Variants in OLA1 observed in about 807,000 individuals in gnomAD.
The protein encoded by OLA1 is obg-like ATPase 1.
OLA1 carries 14 observed loss-of-function variants against 48.4 expected under a neutral mutation model. The observed-to-expected ratio is 0.29, with a 90% confidence interval of 0.19 to 0.45. OLA1 has a LOEUF of 0.45. OLA1 is among the 20% of genes least tolerant of loss of function. The probability of loss-of-function intolerance (pLI) is 1.00; values close to 1 mark genes in which losing one functional copy is unlikely to be tolerated. For missense variants in OLA1, 325 were observed against 467.1 expected (o/e 0.70, Z 2.80); for synonymous variants, 127 against 150.4 (o/e 0.84, Z 1.14).
At chr2:174,109,657 A>G (rs1483296146) in intron 7 of OLA1, among the ~76,000 whole-genome samples, 2 of 152,132 alleles carry the variant, frequency 1.3e-5, no homozygotes, top group African/African-American at 4.8e-5. Context: ...CTCTATTTCA[A>G]TTTGGCCTGA....
chr2:174,158,899 A>C (rs1484018778), intron 4 of OLA1, among the ~76,000 whole-genome samples: 2 of 152,154 alleles, frequency 1.3e-5, no homozygotes, highest in Non-Finnish European at 2.9e-5. Flanking sequence ...TGGCAAACTT[A>C]TTCCCCTCCA....
chr2:174,076,086 T>C (rs183422740), intron 10 of OLA1, among the ~76,000 whole-genome samples: 4 of 152,328 alleles, frequency 2.6e-5, no homozygotes, highest in Admixed American at 6.5e-5. Context: ...TGTACTAGAA[T>C]TCATCATACG....
rs374535407 is a variant in OLA1 at position 174,075,906 on chromosome 2, T to A, written c.1090-379A>T. 5.9e-5 allele frequency among the ~76,000 whole-genome samples: 9 copies of A among 152,180 alleles called. No individual in the cohort carries two copies. In the East Asian group the frequency reaches 1.7e-3, roughly 29 times the overall value. ...ACCAGGCAGAAAGAAAAAGACTATA[T>A]AACTAGTTAAAAGCTGCTTTATTTG... On this transcript the variant is annotated intron_variant, in intron 10 of 10. Coordinates refer to ENST00000284719, the MANE Select transcript of OLA1 (RefSeq NM_013341.5).
intron 4 of OLA1, among the ~76,000 whole-genome samples, chr2:174,164,262 A>C (rs1045532499): frequency 8.4e-6 from 1 of 119,204 alleles, no homozygotes; most frequent in South Asian, 2.7e-4. Flanking sequence ...ACTAATACAC[A>C]CAGCATTTAA....
intron 2 of OLA1, chr2:174,240,159 T>C (rs985512681): frequency 2.0e-5 from 3 of 152,198 alleles, no homozygotes; most frequent in African/African-American, 7.2e-5. Flanking sequence ...CTTACTATAT[T>C]GTCCAGGCTA....
chr2:174,140,560 G>C (rs1686423569), intron 5 of OLA1, among the ~76,000 whole-genome samples: 1 of 151,850 alleles, frequency 6.6e-6, no homozygotes, highest in Non-Finnish European at 1.5e-5. Context: ...TCGAGATGGG[G>C]TTTCACAATG....
chr2:174,238,481 G>A (rs1688912317), intron 2 of OLA1, among the ~76,000 whole-genome samples: 1 of 130,238 alleles, frequency 7.7e-6, no homozygotes, highest in East Asian at 2.3e-4. Flanking sequence ...GCAACAGAGT[G>A]AGACTCTATG....
chr2:174,076,983 CT>C (rs1157972147), intron 10 of OLA1, among the ~76,000 whole-genome samples: 4 of 151,896 alleles, frequency 2.6e-5, no homozygotes, highest in Admixed American at 6.6e-5. Context: ...ACTTTATATA[CT>C]TTGTTACCAC....
intron 2 of OLA1, among the ~76,000 whole-genome samples, chr2:174,244,927 C>T (rs993746589): frequency 1.3e-5 from 2 of 152,134 alleles, no homozygotes; most frequent in African/African-American, 4.8e-5. Context: ...TCACCATGCC[C>T]AGCCAATTTT....
chr2:174,186,208 T>G (rs1558994936), intron 4 of OLA1, among the ~76,000 whole-genome samples: 2 of 152,176 alleles, frequency 1.3e-5, no homozygotes, highest in Non-Finnish European at 2.9e-5. Flanking sequence ...CAATAATAAT[T>G]CCAACAAGAT....
chr2:174,102,598 A>G (rs1558954508), intron 7 of OLA1, among the ~76,000 whole-genome samples: 1 of 152,142 alleles, frequency 6.6e-6, no homozygotes, highest in African/African-American at 2.4e-5. Flanking sequence ...GTTTTGAGGA[A>G]GAACATTAAT....
rs185542236 is a variant in OLA1, at chr2:174,155,854, C to T, written c.374-13854G>A. 1.7e-4 allele frequency among the ~76,000 whole-genome samples: 26 copies of T among 151,930 alleles called. No individual in the cohort carries two copies. The East Asian group carries it at 3.3e-3, about 19-fold the overall frequency. On this transcript the variant is annotated intron_variant, in intron 4 of 10. Coordinates refer to ENST00000284719, the MANE Select transcript of OLA1 (RefSeq NM_013341.5). Reference sequence around the variant, plus strand: ...TCAGGGACAGATATTTGCAAAGGGACGCAGAGAGTAAAGAAGAAATTCCAG... The same window carrying T: ...TCAGGGACAGATATTTGCAAAGGGATGCAGAGAGTAAAGAAGAAATTCCAG...
rs187085844 is a variant in OLA1, at chr2:174,116,856, A to G, written c.728+6324T>C. Among the ~76,000 whole-genome samples, 11 of 152,348 alleles carry G rather than the reference A, an allele frequency of 7.2e-5. No homozygotes were observed. In the East Asian group the frequency reaches 1.7e-3, roughly 24 times the overall value. ...CATTCATACTCAGAGAGACTGAGATATATGAAATCACAATGAAACTGTTTT... is the reference window on the plus strand; with the variant it reads ...CATTCATACTCAGAGAGACTGAGATGTATGAAATCACAATGAAACTGTTTT... On this transcript the variant is annotated intron_variant, in intron 7 of 10. Coordinates refer to ENST00000284719, the MANE Select transcript of OLA1 (RefSeq NM_013341.5).
intron 5 of OLA1, among the ~76,000 whole-genome samples, chr2:174,130,317 T>C (rs1686147742): frequency 6.6e-6 from 1 of 152,274 alleles, no homozygotes; most frequent in Middle Eastern, 3.4e-3. Flanking sequence ...CAATAATGAA[T>C]GGAACTAGCA....
intron 3 of OLA1, among the ~76,000 whole-genome samples, chr2:174,227,134 G>A (rs1265569914): frequency 6.6e-6 from 1 of 152,052 alleles, no homozygotes; most frequent in Non-Finnish European, 1.5e-5. Context: ...GCCAGGCACA[G>A]TAGTTCATGC....
chr2:174,079,004 T>G lies in OLA1; in HGVS notation c.1053A>C (p.Glu351Asp), dbSNP rs373470937. 6.2e-7 allele frequency: 1 copy of G among 1,604,868 alleles called. No homozygotes were observed. The highest frequency in any genetic ancestry group is 1.7e-5 in the Admixed American group (1 of 59,000). ...GFIMAEVMKY[E>D]DFKEEGSENA... ...TTTCAGAACCTTCCTCTTTAAAATCTTCGTATTTCATTACTTCAGCCATAA... is the reference window on the plus strand; with the variant it reads ...TTTCAGAACCTTCCTCTTTAAAATCGTCGTATTTCATTACTTCAGCCATAA... Residue 351 changes from glutamate (E) to aspartate (D), a missense_variant, in exon 10 of 11, where the codon GAA becomes GAC. By Grantham distance (45) the Glu-to-Asp change is conservative. Coordinates refer to ENST00000284719, the MANE Select transcript of OLA1 (RefSeq NM_013341.5).
At chr2:174,160,610 A>G (rs1686987780) in intron 4 of OLA1, among the ~76,000 whole-genome samples, 1 of 152,226 alleles carries the variant, frequency 6.6e-6, no homozygotes, top group Admixed American at 6.5e-5. Flanking sequence ...CAACTACAAA[A>G]GTAATAAATC....
intron 4 of OLA1, 24 bp from the exon 5 acceptor site, chr2:174,142,024 AT>A (rs1686464153): frequency 6.2e-7 from 1 of 1,602,632 alleles, no homozygotes; most frequent in African/African-American, 1.3e-5. Context: ...AAGGGAAGCA[AT>A]TCAATAAACA....
At chr2:174,099,648 T>C (rs569090984) in intron 7 of OLA1, among the ~76,000 whole-genome samples, 368 of 152,324 alleles carry the variant, frequency 2.4e-3, no homozygotes, top group Non-Finnish European at 4.5e-3. Flanking sequence ...TCCAGACACA[T>C]TGCCTTTATG....
Sources: allele counts gnomAD v4.1 joint callset (sites outside exome capture counted in the v4.1 genomes callset), GRCh38; gene constraint gnomAD v4.1.1; transcripts MANE v1.5; gene names NCBI Gene and HGNC (gene_info 2026-07-23, HGNC 2026-07-21).